Variants in ENOX1 observed in about 807,000 individuals in gnomAD.
The protein encoded by ENOX1 is candidate growth-related and time keeping constitutive hydroquinone (NADH) oxidase.
A neutral mutation model predicts 82.5 loss-of-function variants in ENOX1; 42 were observed. The ratio of observed to expected loss-of-function variants is 0.51; its 90% CI spans 0.40 to 0.66. The LOEUF is 0.66. ENOX1 is among the 30% of genes least tolerant of loss of function. The pLI, the probability that ENOX1 is intolerant of heterozygous loss-of-function variation, is 0.00. For missense variants in ENOX1, 608 were observed against 811.6 expected, an observed-to-expected ratio of 0.75 and a Z score of 3.05; for synonymous variants, 271 against 282.2, an observed-to-expected ratio of 0.96 and a Z score of 0.40.
intron 11 of ENOX1, among the ~76,000 whole-genome samples, chr13:43,317,992 A>G (rs1029191318): frequency 1.3e-5 from 2 of 151,816 alleles, no homozygotes; most frequent in African/African-American, 4.8e-5. Flanking sequence ...GTGACAGAGC[A>G]AGACTCCGTC....
At chr13:43,604,432 T>C (rs1158345141) in intron 2 of ENOX1, among the ~76,000 whole-genome samples, 1 of 152,184 alleles carries the variant, frequency 6.6e-6, no homozygotes, top group East Asian at 1.9e-4. Context: ...AAAAAATTTT[T>C]CCCCATTCAG....
At position 43,245,524 on chromosome 13, in the gene ENOX1, G is replaced by A. The variant is rs186543841; in HGVS notation, c.1612-8786C>T. The stretch of plus-strand genomic sequence containing the variant: ...TGACTAAGCTTTAGAATTTTTTATG[G>A]TTTCTTATGGGAACATAAGAATGCA... On this transcript the variant is annotated intron_variant, in intron 14 of 16. Coordinates refer to ENST00000690772, the MANE Select transcript of ENOX1 (RefSeq NM_001347969.2). Among the ~76,000 whole-genome samples the A allele has an allele frequency of 2.0e-3, 306 of 152,302 alleles. 1 individual carries two copies. The highest frequency in any genetic ancestry group is 0.014 in the Middle Eastern group (4 of 294).
At chr13:43,715,909 A>C (rs967537615) in intron 1 of ENOX1, among the ~76,000 whole-genome samples, 6 of 151,738 alleles carry the variant, frequency 4.0e-5, no homozygotes, top group Admixed American at 3.9e-4. Flanking sequence ...CAGCTCCATC[A>C]GCTCCTTTAA....
At chr13:43,537,361 G>A (rs545585763) in intron 2 of ENOX1, among the ~76,000 whole-genome samples, 4 of 152,302 alleles carry the variant, frequency 2.6e-5, no homozygotes, top group South Asian at 4.1e-4. Flanking sequence ...ATAACTTGCT[G>A]GTGATTAGTG....
chr13:43,610,690 T>C (rs1383702845), intron 2 of ENOX1, among the ~76,000 whole-genome samples: 2 of 152,056 alleles, frequency 1.3e-5, no homozygotes, highest in Non-Finnish European at 2.9e-5. Flanking sequence ...GTTACAAAGT[T>C]ACAAAATAGA....
At chr13:43,475,269 T>C (rs952110654) in intron 3 of ENOX1, among the ~76,000 whole-genome samples, 1 of 152,138 alleles carries the variant, frequency 6.6e-6, no homozygotes, top group African/African-American at 2.4e-5. Flanking sequence ...GTGAAAAGCA[T>C]TTCCCTGCTG....
At chr13:43,240,618 G>A (rs1357432183) in intron 14 of ENOX1, among the ~76,000 whole-genome samples, 1 of 152,176 alleles carries the variant, frequency 6.6e-6, no homozygotes, top group East Asian at 1.9e-4. Context: ...TTGAGAACAA[G>A]TAGGTGGCTC....
chr13:43,613,799 T>A (rs1278261695), intron 2 of ENOX1, among the ~76,000 whole-genome samples: 2 of 151,974 alleles, frequency 1.3e-5, no homozygotes, highest in Admixed American at 1.3e-4. Flanking sequence ...GGCATGGTGG[T>A]AGGTGCCTGT....
chr13:43,577,639 C>T (rs894624771), intron 2 of ENOX1, among the ~76,000 whole-genome samples: 2 of 152,132 alleles, frequency 1.3e-5, no homozygotes, highest in African/African-American at 4.8e-5. Flanking sequence ...AGAATGAAGC[C>T]CTCACAACCC....
chr13:43,508,575 C>T (rs141360188), intron 2 of ENOX1, among the ~76,000 whole-genome samples: 9 of 151,976 alleles, frequency 5.9e-5, no homozygotes, highest in Non-Finnish European at 1.2e-4. Context: ...ATACAGGTAA[C>T]GAGAACTTCT....
intron 11 of ENOX1, among the ~76,000 whole-genome samples, chr13:43,305,838 G>A (rs1234297165): frequency 2.0e-5 from 3 of 152,226 alleles, no homozygotes; most frequent in African/African-American, 7.2e-5. Flanking sequence ...GCTCTGTCAG[G>A]TGAGGATGCC....
chr13:43,627,313 T>C (rs919820438), intron 2 of ENOX1, among the ~76,000 whole-genome samples: 12 of 151,850 alleles, frequency 7.9e-5, no homozygotes, highest in Admixed American at 2.0e-4. Context: ...TTATCTTTTG[T>C]TTTTTTGTTC....
chr13:43,335,215 T>C (rs1034189990), intron 9 of ENOX1, among the ~76,000 whole-genome samples: 1 of 152,232 alleles, frequency 6.6e-6, no homozygotes, highest in Non-Finnish European at 1.5e-5. Flanking sequence ...TCTCCTTAAA[T>C]AGAAATCCTC....
intron 2 of ENOX1, among the ~76,000 whole-genome samples, chr13:43,531,064 AAAAT>A (rs1566462670): frequency 6.6e-6 from 1 of 151,972 alleles, no homozygotes; most frequent in Non-Finnish European, 1.5e-5. Flanking sequence ...CAAAAAAACT[AAAAT>A]AATATAATAC....
chr13:43,715,469 A>G lies in ENOX1; in HGVS notation c.-284-47925T>C, dbSNP rs1007150465. 3.1e-4 allele frequency among the ~76,000 whole-genome samples: 47 copies of G among 151,970 alleles called. 1 individual carries two copies. The highest frequency in any genetic ancestry group is 6.8e-3 in the Middle Eastern group (2 of 294). On this transcript the variant is annotated intron_variant, in intron 1 of 16. Transcript: ENST00000690772. The stretch of plus-strand genomic sequence containing the variant: ...ATCTTGGAGTTGCTCTTCTTGGAGT[A>G]TCTTTGTGGCGTTCTCTGTATTTCC...
rs535277516 is a variant in ENOX1 at position 43,632,881 on chromosome 13, T to C, written c.-219+34598A>G. The stretch of plus-strand genomic sequence containing the variant: ...AATTATTTCATACATTAGGTTTTTA[T>C]ACCCTGCTAGCTGTACCACTGTGAT... On this transcript the variant is annotated intron_variant, in intron 2 of 16. Coordinates refer to ENST00000690772, the MANE Select transcript of ENOX1 (RefSeq NM_001347969.2). Among the ~76,000 whole-genome samples the C allele has an allele frequency of 2.0e-5, 3 of 152,348 alleles. No individual in the cohort carries two copies. In the East Asian group the frequency reaches 5.8e-4, roughly 29 times the overall value.
At chr13:43,717,394 A>G (rs2088223594) in intron 1 of ENOX1, among the ~76,000 whole-genome samples, 1 of 152,196 alleles carries the variant, frequency 6.6e-6, no homozygotes, top group African/African-American at 2.4e-5. Flanking sequence ...CATTAACCCA[A>G]CATGGATTAA....
At position 43,630,858 on chromosome 13, in the gene ENOX1, T is replaced by C. The variant is rs9533559; in HGVS notation, c.-219+36621A>G. Among the ~76,000 whole-genome samples, 421 of 82,090 alleles carry C rather than the reference T, an allele frequency of 5.1e-3. 1 individual carries two copies. Among genetic ancestry groups the C allele is most frequent in the Middle Eastern group, 0.016 (3 of 184 alleles). 53.9% of individuals were successfully genotyped at this position (82,090 alleles called of 152,430 possible). On this transcript the variant is annotated intron_variant, in intron 2 of 16. Coordinates refer to ENST00000690772, the MANE Select transcript of ENOX1 (RefSeq NM_001347969.2). ...AACCACACACACACATATATATATA[T>C]ATACACACACACACACATATATATA...
At chr13:43,623,294 T>C (rs530855403) in intron 2 of ENOX1, among the ~76,000 whole-genome samples, 24 of 152,262 alleles carry the variant, frequency 1.6e-4, no homozygotes, top group African/African-American at 5.1e-4. Context: ...CCCGTTCAAA[T>C]TGTTACAAAG....
Sources: gnomAD v4.1 joint callset for allele counts (sites outside exome capture counted in the v4.1 genomes callset) on GRCh38, gnomAD v4.1.1 for gene constraint, MANE v1.5 for transcripts, NCBI Gene and HGNC (gene_info 2026-07-23, HGNC 2026-07-21) for gene names.